TMEM26: variants seen among roughly 807,000 people sequenced by gnomAD.
TMEM26 encodes the protein transmembrane protein 26.
TMEM26 carries 38 observed loss-of-function variants against 28.8 expected under a neutral mutation model. That is an observed-to-expected ratio of 1.32 (90% CI 1.02 to 1.73). The LOEUF is 1.73. Among genes scored for constraint, TMEM26 ranks in the 40% most tolerant of loss-of-function variants. TMEM26 has a pLI of 0.00. For missense variants in TMEM26, 518 were observed against 447.1 expected (o/e 1.16, Z -1.43); for synonymous variants, 227 against 182.9 (o/e 1.24, Z -1.95).
intron 5 of TMEM26, among the ~76,000 whole-genome samples, chr10:61,411,281 G>A (rs1422810704): frequency 6.6e-6 from 1 of 152,220 alleles, no homozygotes; most frequent in Non-Finnish European, 1.5e-5. Context: ...TCAGTGAGGA[G>A]AGGGGTCCCT....
intron 4 of TMEM26, among the ~76,000 whole-genome samples, chr10:61,424,338 A>G (rs1159033549): frequency 6.6e-6 from 1 of 152,208 alleles, no homozygotes; most frequent in Non-Finnish European, 1.5e-5. Flanking sequence ...AATACGTAGG[A>G]AATAGTTAAG....
chr10:61,437,901 C>T (rs78606247), intron 1 of TMEM26, among the ~76,000 whole-genome samples: 16,880 of 152,158 alleles, frequency 0.11, 1,193 homozygotes, highest in East Asian at 0.22. Context: ...GCTTTTAATA[C>T]GCAGCAATAG....
At chr10:61,446,847 AAAAAATT>A (rs1840191034) in intron 1 of TMEM26, among the ~76,000 whole-genome samples, 2 of 134,424 alleles carry the variant, frequency 1.5e-5, no homozygotes, top group Admixed American at 7.4e-5. Flanking sequence ...AAAAAAAAAA[AAAAAATT>A]AAAAATGCTT....
intron 4 of TMEM26, among the ~76,000 whole-genome samples, chr10:61,424,912 C>T (rs976610219): frequency 4.6e-5 from 7 of 152,168 alleles, no homozygotes; most frequent in Non-Finnish European, 1.0e-4. Context: ...AACCTTACCT[C>T]CCACTGTACA....
intron 4 of TMEM26, among the ~76,000 whole-genome samples, chr10:61,417,480 A>T (rs574106085): frequency 1.2e-4 from 17 of 146,738 alleles, no homozygotes; most frequent in African/African-American, 3.5e-4. Context: ...TTTTTTTTTT[A>T]ATGACAAATA....
chr10:61,416,709 T>G (rs1400765465), intron 4 of TMEM26, among the ~76,000 whole-genome samples: 1 of 151,956 alleles, frequency 6.6e-6, no homozygotes, highest in Admixed American at 6.6e-5. Flanking sequence ...CTTACTAAAT[T>G]AAAGCATTTA....
chr10:61,421,791 T>C (rs1483806306), intron 4 of TMEM26, among the ~76,000 whole-genome samples: 4 of 152,146 alleles, frequency 2.6e-5, no homozygotes, highest in Non-Finnish European at 4.4e-5. Context: ...GTTTCTGTTG[T>C]TTTAAGCCAC....
chr10:61,445,652 C>T (rs1052657820), intron 1 of TMEM26, among the ~76,000 whole-genome samples: 1 of 151,770 alleles, frequency 6.6e-6, no homozygotes, highest in Non-Finnish European at 1.5e-5. Context: ...CAAAAAAGTA[C>T]ATTTCATAAA....
intron 5 of TMEM26, among the ~76,000 whole-genome samples, 162 bp from the exon 6 acceptor site, chr10:61,410,908 A>T (rs1839559173): frequency 6.6e-6 from 1 of 152,220 alleles, no homozygotes; most frequent in South Asian, 2.1e-4. Context: ...AATTTAATTC[A>T]GGGTGGAACA....
At chr10:61,451,934 T>C (rs1343668377) in intron 1 of TMEM26, among the ~76,000 whole-genome samples, 4 of 152,038 alleles carry the variant, frequency 2.6e-5, no homozygotes, top group Admixed American at 2.6e-4. Context: ...AATTGTAAAT[T>C]GCCTAATACC....
chr10:61,424,810 T>G (rs1003029022), intron 4 of TMEM26, among the ~76,000 whole-genome samples: 4 of 152,106 alleles, frequency 2.6e-5, no homozygotes, highest in African/African-American at 9.7e-5. Flanking sequence ...GCTAAGGCAA[T>G]ATAATAAAGA....
At chr10:61,438,212 G>A (rs906284512) in intron 1 of TMEM26, among the ~76,000 whole-genome samples, 1 of 151,974 alleles carries the variant, frequency 6.6e-6, no homozygotes. Context: ...AAAGGTTATG[G>A]GTCATGATAT....
chr10:61,440,931 A>C lies in TMEM26; in HGVS notation c.192-4683T>G, dbSNP rs183686282. On this transcript the variant is annotated intron_variant, in intron 1 of 5. Transcript: ENST00000399298. ...TTATATAAGATAGTGTAGTATTTGC[A>C]TATAACCTATGCATATCCTCCCTAT... 1.1e-4 allele frequency among the ~76,000 whole-genome samples: 17 copies of C among 152,332 alleles called. No homozygotes were observed. The East Asian group carries it at 3.3e-3, about 29-fold the overall frequency.
chr10:61,418,305 T>C (rs560833128), intron 4 of TMEM26, among the ~76,000 whole-genome samples: 34 of 152,090 alleles, frequency 2.2e-4, no homozygotes, highest in African/African-American at 7.7e-4. Context: ...AAAGTTAGGA[T>C]CCTACCCTCT....
chr10:61,441,564 T>C (rs911769185), intron 1 of TMEM26, among the ~76,000 whole-genome samples: 1 of 152,128 alleles, frequency 6.6e-6, no homozygotes, highest in East Asian at 1.9e-4. Context: ...AGATGTGGAG[T>C]ACCTTGTATG....
At chr10:61,450,540 A>C (rs1476043217) in intron 1 of TMEM26, among the ~76,000 whole-genome samples, 1 of 152,192 alleles carries the variant, frequency 6.6e-6, no homozygotes, top group Non-Finnish European at 1.5e-5. Flanking sequence ...ATTCAGTTGT[A>C]TTTGGTAACA....
rs774391606 is a variant in TMEM26 at position 61,410,665 on chromosome 10, C to G, written c.764G>C (p.Trp255Ser). 6 of 1,614,100 alleles carry G rather than the reference C, an allele frequency of 3.7e-6. No homozygotes were observed. Among genetic ancestry groups the G allele is most frequent in the Non-Finnish European group, 5.1e-6 (6 of 1,180,018 alleles). The change falls in exon 6 of 6, where the codon TGG becomes TCG. Residue 255 changes from tryptophan (W) to serine (S), a missense_variant. Physicochemically the swap from Trp to Ser is radical, Grantham distance 177. Coordinates refer to ENST00000399298, the MANE Select transcript of TMEM26 (RefSeq NM_178505.8). ...TATGAAGACGCTGATTCCGATGTTC[C>G]ACAGATCGGCACTGTACTGGCAAAA... ...LFFCQYSADL[W>S]NIGISVFIQD...
chr10:61,446,952 A>G (rs892532086), intron 1 of TMEM26, among the ~76,000 whole-genome samples: 31 of 148,302 alleles, frequency 2.1e-4, no homozygotes, highest in Non-Finnish European at 4.5e-4. Flanking sequence ...TGCTCCCATC[A>G]GGGCTACAAC....
intron 5 of TMEM26, 93 bp downstream of exon 5, chr10:61,413,366 G>A (rs1207649379): frequency 2.0e-6 from 3 of 1,529,992 alleles, no homozygotes; most frequent in Non-Finnish European, 2.6e-6. Context: ...ATACAGACAT[G>A]ATAATCCTTT....
Sources: gnomAD v4.1 joint callset for allele counts (sites outside exome capture counted in the v4.1 genomes callset) on GRCh38, gnomAD v4.1.1 for gene constraint, MANE v1.5 for transcripts, NCBI Gene and HGNC (gene_info 2026-07-23, HGNC 2026-07-21) for gene names.